Variants in RALYL observed in about 807,000 individuals in gnomAD.
The protein encoded by RALYL is RALY RNA binding protein like.
A neutral mutation model predicts 35.1 loss-of-function variants in RALYL; 29 were observed. The observed-to-expected ratio is 0.83, with a 90% CI of 0.61 to 1.13. The LOEUF is 1.13. Among genes scored for constraint, RALYL ranks in the 50% most tolerant of loss-of-function variants. The probability of loss-of-function intolerance (pLI) is 0.00; values close to 1 mark genes in which losing one functional copy is unlikely to be tolerated. For synonymous variants in RALYL, 120 were observed against 127.6 expected, an observed-to-expected ratio of 0.94 and a Z score of 0.40; for missense variants, 359 against 360.4, an observed-to-expected ratio of 1.00 and a Z score of 0.03.
chr8:84,307,102 A>C (rs997086608), intron 1 of RALYL, among the ~76,000 whole-genome samples: 1 of 152,162 alleles, frequency 6.6e-6, no homozygotes, highest in African/African-American at 2.4e-5. Context: ...TCACACTGTC[A>C]GCTAAGGTGA....
intron 4 of RALYL, among the ~76,000 whole-genome samples, chr8:84,840,768 C>T (rs1303908675): frequency 6.6e-6 from 1 of 152,220 alleles, no homozygotes; most frequent in East Asian, 1.9e-4. Flanking sequence ...CAACTGATCT[C>T]TCGGCAGAAA....
chr8:84,815,591 C>A (rs946512127), intron 4 of RALYL, among the ~76,000 whole-genome samples: 1 of 151,582 alleles, frequency 6.6e-6, no homozygotes, highest in African/African-American at 2.4e-5. Context: ...TTTGGGGGCT[C>A]ATATTCCAAT....
intron 1 of RALYL, among the ~76,000 whole-genome samples, chr8:84,304,139 A>G (rs1439055255): frequency 1.3e-5 from 2 of 151,914 alleles, no homozygotes; most frequent in South Asian, 2.1e-4. Context: ...TTATTTTTAG[A>G]TGGAGTCTCA....
At chr8:84,218,448 A>G (rs1821364650) in intron 1 of RALYL, among the ~76,000 whole-genome samples, 1 of 152,096 alleles carries the variant, frequency 6.6e-6, no homozygotes, top group Non-Finnish European at 1.5e-5. Context: ...TTCAATTGCA[A>G]AATATGGCCT....
chr8:84,518,099 G>A (rs1050345012), intron 1 of RALYL, among the ~76,000 whole-genome samples: 1 of 152,106 alleles, frequency 6.6e-6, no homozygotes, highest in African/African-American at 2.4e-5. Context: ...AAAATCTAGT[G>A]CAAAGTCTAA....
In RALYL at chr8:84,265,656, C is replaced by CTACTTTGCTAATTTATATG. The variant is rs537493409; in HGVS notation, c.-24+81233_-24+81234insACTTTGCTAATTTATATGT. Among the ~76,000 whole-genome samples, 672 of 148,382 alleles carry CTACTTTGCTAATTTATATG rather than the reference C, an allele frequency of 4.5e-3. 14 individuals are homozygous for CTACTTTGCTAATTTATATG. Among genetic ancestry groups the CTACTTTGCTAATTTATATG allele is most frequent in the Non-Finnish European group, 6.9e-3 (446 of 65,056 alleles). ...CAATGTCAGACTGTGATATACAGAACTGTAAAATAAAAAACTTGGATTGTT... is the reference window on the plus strand; with the variant it reads ...CAATGTCAGACTGTGATATACAGAACTACTTTGCTAATTTATATGTGTAAAATAAAAAACTTGGATTGTT... On this transcript the variant is annotated intron_variant, in intron 1 of 8. Transcript: ENST00000521268.
At chr8:84,501,017 G>C (rs2056596436) in intron 1 of RALYL, among the ~76,000 whole-genome samples, 1 of 152,072 alleles carries the variant, frequency 6.6e-6, no homozygotes, top group African/African-American at 2.4e-5. Context: ...GAGTACTTTT[G>C]AGATTCATGT....
At chr8:84,847,591 C>G (rs913838682) in intron 4 of RALYL, among the ~76,000 whole-genome samples, 1 of 152,080 alleles carries the variant, frequency 6.6e-6, no homozygotes, top group African/African-American at 2.4e-5. Flanking sequence ...AATAGGTGGG[C>G]TTTAGCATCC....
At chr8:84,903,444 T>C (rs541693133) in intron 8 of RALYL, among the ~76,000 whole-genome samples, 92 of 152,250 alleles carry the variant, frequency 6.0e-4, no homozygotes, top group African/African-American at 2.1e-3. Flanking sequence ...CTTCACCCTT[T>C]GGTACCTTAG....
intron 2 of RALYL, among the ~76,000 whole-genome samples, chr8:84,766,894 A>G (rs1563556484): frequency 6.6e-6 from 1 of 152,124 alleles, no homozygotes; most frequent in Non-Finnish European, 1.5e-5. Context: ...TATTGCATAA[A>G]CAACAGTGCG....
At chr8:84,425,414 A>G (rs1291922976) in intron 1 of RALYL, among the ~76,000 whole-genome samples, 2 of 152,056 alleles carry the variant, frequency 1.3e-5, no homozygotes, top group African/African-American at 4.8e-5. Context: ...CGGCTCGCGC[A>G]CGGTGCGCTC....
intron 2 of RALYL, among the ~76,000 whole-genome samples, chr8:84,557,921 A>G (rs2061242031): frequency 6.6e-6 from 1 of 152,204 alleles, no homozygotes; most frequent in Non-Finnish European, 1.5e-5. Flanking sequence ...AAGTAAGACA[A>G]TGTAGAAGTC....
intron 1 of RALYL, among the ~76,000 whole-genome samples, chr8:84,396,554 A>G (rs954750353): frequency 3.9e-5 from 6 of 152,136 alleles, no homozygotes; most frequent in Non-Finnish European, 5.9e-5. Flanking sequence ...AGAAGGAAAA[A>G]TGACAGACAC....
intron 2 of RALYL, among the ~76,000 whole-genome samples, chr8:84,590,226 G>T (rs1177246953): frequency 1.3e-5 from 2 of 152,178 alleles, no homozygotes; most frequent in Non-Finnish European, 2.9e-5. Context: ...GCCAGGCTTT[G>T]CTAAACTTCC....
At chr8:84,196,747 A>G (rs1180562694) in intron 1 of RALYL, among the ~76,000 whole-genome samples, 1 of 152,154 alleles carries the variant, frequency 6.6e-6, no homozygotes, top group African/African-American at 2.4e-5. Context: ...TAGATTTTTT[A>G]AATACTCTCT....
At chr8:84,546,515 C>T (rs1319913815) in intron 2 of RALYL, among the ~76,000 whole-genome samples, 1 of 152,216 alleles carries the variant, frequency 6.6e-6, no homozygotes, top group Non-Finnish European at 1.5e-5. Context: ...CTTTTCTCCA[C>T]AACTCTACCA....
At chr8:84,344,437 G>C (rs1849431938) in intron 1 of RALYL, among the ~76,000 whole-genome samples, 1 of 151,944 alleles carries the variant, frequency 6.6e-6, no homozygotes, top group African/African-American at 2.4e-5. Context: ...TGAGTCTGTT[G>C]GGGAAGGTGT....
At chr8:84,696,073 A>G (rs1192499597) in intron 2 of RALYL, among the ~76,000 whole-genome samples, 1 of 151,834 alleles carries the variant, frequency 6.6e-6, no homozygotes, top group Admixed American at 6.6e-5. Flanking sequence ...TCACTTGATT[A>G]GTGTCAGTAT....
At chr8:84,806,092 G>A (rs115714511) in intron 4 of RALYL, among the ~76,000 whole-genome samples, 2 of 152,192 alleles carry the variant, frequency 1.3e-5, no homozygotes, top group African/African-American at 4.8e-5. Flanking sequence ...TCAACAACAT[G>A]GTTCCCAATT....
Sources: gnomAD v4.1 joint callset for allele counts (sites outside exome capture counted in the v4.1 genomes callset) on GRCh38, gnomAD v4.1.1 for gene constraint, MANE v1.5 for transcripts, NCBI Gene and HGNC (gene_info 2026-07-23, HGNC 2026-07-21) for gene names.